SIPA1L2: variants seen among roughly 807,000 people sequenced by gnomAD.
SIPA1L2 encodes the protein signal induced proliferation associated 1 like 2.
A neutral mutation model predicts 163.9 loss-of-function variants in SIPA1L2; 56 were observed. The observed-to-expected ratio is 0.34, with a 90% CI of 0.28 to 0.43. SIPA1L2 has a LOEUF of 0.43. SIPA1L2 is among the 20% of genes least tolerant of loss of function. The pLI, the probability that SIPA1L2 is intolerant of heterozygous loss-of-function variation, is 1.00. For synonymous variants in SIPA1L2, 877 were observed against 865.7 expected, an observed-to-expected ratio of 1.01 and a Z score of -0.23; for missense variants, 1,974 against 2,193.5, an observed-to-expected ratio of 0.90 and a Z score of 2.00.
intron 3 of SIPA1L2, among the ~76,000 whole-genome samples, chr1:232,500,539 G>A (rs933878141): frequency 4.6e-5 from 7 of 152,186 alleles, no homozygotes; most frequent in Admixed American, 4.6e-4. Flanking sequence ...TTCACTGGAG[G>A]AAGTATTGCA....
intron 10 of SIPA1L2, 30 bp downstream of exon 10, chr1:232,460,857 T>A: frequency 6.3e-7 from 1 of 1,597,710 alleles, no homozygotes; most frequent in Non-Finnish European, 8.5e-7. Flanking sequence ...AAAGGAGGAG[T>A]GAGCATTACT....
intron 2 of SIPA1L2, among the ~76,000 whole-genome samples, chr1:232,571,264 A>G (rs1659711539): frequency 6.6e-6 from 1 of 152,230 alleles, no homozygotes; most frequent in Non-Finnish European, 1.5e-5. Flanking sequence ...CACTTTTTTT[A>G]ACATTAAAAC....
chr1:232,602,720 G>C (rs1383649908), intron 1 of SIPA1L2, among the ~76,000 whole-genome samples: 1 of 152,156 alleles, frequency 6.6e-6, no homozygotes, highest in Non-Finnish European at 1.5e-5. Context: ...GGATGAAATG[G>C]GCAGAGTAGA....
intron 22 of SIPA1L2, among the ~76,000 whole-genome samples, chr1:232,401,756 A>G (rs1481249243): frequency 2.0e-5 from 3 of 151,970 alleles, no homozygotes; most frequent in Admixed American, 6.6e-5. Flanking sequence ...ACCAGCTACA[A>G]TTTCTCCCTT....
intron 3 of SIPA1L2, among the ~76,000 whole-genome samples, chr1:232,503,602 T>G (rs1666585820): frequency 6.6e-6 from 1 of 152,224 alleles, no homozygotes; most frequent in Admixed American, 6.5e-5. Flanking sequence ...CAAACAACTG[T>G]GCACCTGTAC....
chr1:232,558,137 G>A (rs540420881), intron 2 of SIPA1L2, among the ~76,000 whole-genome samples: 1 of 152,160 alleles, frequency 6.6e-6, no homozygotes, highest in East Asian at 1.9e-4. Context: ...CTTGAAATGA[G>A]GAGAAAAGAT....
intron 1 of SIPA1L2, among the ~76,000 whole-genome samples, chr1:232,574,620 A>T (rs1451168507): frequency 2.6e-5 from 4 of 152,222 alleles, no homozygotes; most frequent in African/African-American, 9.6e-5. Context: ...TTAATTAATA[A>T]ATATTTTCAA....
intron 10 of SIPA1L2, among the ~76,000 whole-genome samples, chr1:232,452,062 G>C (rs548685951): frequency 3.8e-5 from 4 of 105,594 alleles, no homozygotes; most frequent in Non-Finnish European, 7.8e-5. Flanking sequence ...AATTCCATTA[G>C]ATGGCATCCT....
At chr1:232,519,173 A>AG (rs1196528170) in intron 2 of SIPA1L2, among the ~76,000 whole-genome samples, 1 of 152,188 alleles carries the variant, frequency 6.6e-6, no homozygotes, top group Non-Finnish European at 1.5e-5. Context: ...ATACCAGCCA[A>AG]ATGAGGTGAT....
intron 1 of SIPA1L2, among the ~76,000 whole-genome samples, chr1:232,607,547 A>C (rs972724717): frequency 1.8e-4 from 27 of 152,146 alleles, no homozygotes; most frequent in African/African-American, 6.5e-4. Flanking sequence ...TGTTATGAAA[A>C]GTTGCACAGA....
chr1:232,430,242 G>A (rs1416762122), intron 16 of SIPA1L2, among the ~76,000 whole-genome samples: 1 of 152,218 alleles, frequency 6.6e-6, no homozygotes, highest in African/African-American at 2.4e-5. Flanking sequence ...GAGCTAGCGG[G>A]TGCAGAGAAC....
chr1:232,504,741 A>G (rs528147868), intron 3 of SIPA1L2, among the ~76,000 whole-genome samples: 2 of 152,314 alleles, frequency 1.3e-5, no homozygotes, highest in African/African-American at 2.4e-5. Flanking sequence ...AGTGAAGACA[A>G]TAATATTAAG....
chr1:232,431,310 G>A (rs759761479), intron 16 of SIPA1L2, among the ~76,000 whole-genome samples: 12 of 152,128 alleles, frequency 7.9e-5, no homozygotes, highest in Admixed American at 3.3e-4. Flanking sequence ...CATTTGCAAT[G>A]ACTGACATGA....
At chr1:232,462,550 A>G (rs1664296055) in intron 9 of SIPA1L2, 1 of 373,816 alleles carries the variant, frequency 2.7e-6, no homozygotes, top group African/African-American at 2.0e-5. Flanking sequence ...AAAATGCGGA[A>G]AGGGGACTGC....
chr1:232,494,130 G>A (rs981177323), intron 3 of SIPA1L2, among the ~76,000 whole-genome samples: 1 of 152,196 alleles, frequency 6.6e-6, no homozygotes, highest in African/African-American at 2.4e-5. Context: ...CAGTGGTGTA[G>A]CTAAGATCGC....
At chr1:232,439,630 C>T (rs1662771756) in intron 14 of SIPA1L2, 134 bp from the exon 15 acceptor site, 2 of 1,028,262 alleles carry the variant, frequency 1.9e-6, no homozygotes, top group African/African-American at 1.6e-5. Flanking sequence ...TGGGCAATGA[C>T]AGGACTTCCT....
At chr1:232,507,189 T>C (rs1051403081) in intron 3 of SIPA1L2, among the ~76,000 whole-genome samples, 1 of 151,716 alleles carries the variant, frequency 6.6e-6, no homozygotes, top group African/African-American at 2.4e-5. Context: ...TTTTTTTTTT[T>C]CTCCGACTTT....
At chr1:232,416,041 C>T (rs1661241427) in intron 18 of SIPA1L2, among the ~76,000 whole-genome samples, 1 of 78,774 alleles carries the variant, frequency 1.3e-5, no homozygotes, top group South Asian at 4.1e-4. Flanking sequence ...TCAGTCAGAA[C>T]ACGGGCACCA....
chr1:232,444,700 C>T (rs1663104260), intron 11 of SIPA1L2, among the ~76,000 whole-genome samples: 1 of 152,176 alleles, frequency 6.6e-6, no homozygotes. Flanking sequence ...CTCAAAATTT[C>T]CTGATGTGGT....
Sources: allele counts gnomAD v4.1 joint callset (sites outside exome capture counted in the v4.1 genomes callset), GRCh38; gene constraint gnomAD v4.1.1; transcripts MANE v1.5; gene names NCBI Gene and HGNC (gene_info 2026-07-23, HGNC 2026-07-21).